Variants in CACNA1B observed in about 807,000 individuals in gnomAD.
CACNA1B encodes calcium voltage-gated channel subunit alpha1 B, also known as voltage-dependent N-type calcium channel subunit alpha-1B.
Under a neutral mutation model 247.2 loss-of-function variants are expected in CACNA1B, and 70 were observed. The observed-to-expected ratio is 0.28, with a 90% CI of 0.23 to 0.35. The LOEUF is 0.35. Ranked by LOEUF, CACNA1B falls within the 10% of genes least tolerant of loss-of-function variation. CACNA1B has a pLI of 1.00. For missense variants in CACNA1B, 2,367 were observed against 3,197.4 expected (o/e 0.74, Z 6.26); for synonymous variants, 1,231 against 1,294.4 (o/e 0.95, Z 1.05).
chr9:138,021,129 T>C (rs1242416019), intron 18 of CACNA1B, among the ~76,000 whole-genome samples: 1 of 152,196 alleles, frequency 6.6e-6, no homozygotes, highest in East Asian at 1.9e-4. Context: ...CACTCAGCAC[T>C]GTTGGCAGTA....
At chr9:138,068,389 G>A (rs1589108979) in intron 31 of CACNA1B, among the ~76,000 whole-genome samples, 1 of 152,216 alleles carries the variant, frequency 6.6e-6, no homozygotes, top group Non-Finnish European at 1.5e-5. Flanking sequence ...TATGCTTTAC[G>A]ATTTAAAAAA....
At chr9:138,009,099 A>G (rs1315205559) in intron 16 of CACNA1B, among the ~76,000 whole-genome samples, 1 of 152,236 alleles carries the variant, frequency 6.6e-6, no homozygotes, top group Non-Finnish European at 1.5e-5. Flanking sequence ...ATGGGTGAAG[A>G]GTTCCTTTTG....
intron 6 of CACNA1B, among the ~76,000 whole-genome samples, chr9:137,936,202 G>A (rs1289367310): frequency 6.6e-6 from 1 of 152,182 alleles, no homozygotes; most frequent in Non-Finnish European, 1.5e-5. Context: ...GTGTGAGATG[G>A]TATCTCATTG....
rs773803361 is a variant in CACNA1B at position 138,053,873 on chromosome 9, C to T, written c.3835C>T (p.Leu1279=). 6.2e-7 allele frequency: 1 copy of T among 1,613,432 alleles called. No homozygotes were observed. The highest frequency in any genetic ancestry group is 2.2e-5 in the East Asian group (1 of 44,870). ...TGTGTTTGACTGTGTGGTGAACTCCCTGAAGAATGTCCTCAACATCTTGAT... is the reference window on the plus strand; with the variant it reads ...TGTGTTTGACTGTGTGGTGAACTCCTTGAAGAATGTCCTCAACATCTTGAT... ...KAVFDCVVNS[L]KNVLNILIVY... is the part of the protein sequence containing the mutation. The change falls in exon 26 of 47, where the codon CTG becomes TTG. Residue 1279 remains leucine (L), a synonymous_variant. Coordinates refer to ENST00000371372, the MANE Select transcript of CACNA1B (RefSeq NM_000718.4).
intron 39 of CACNA1B, 124 bp downstream of exon 39, chr9:138,105,931 G>C (rs1216667463): frequency 1.6e-6 from 1 of 638,240 alleles, no homozygotes; most frequent in Non-Finnish European, 2.8e-6. Context: ...GGAGGGGTCT[G>C]AGGACAGCTG....
rs56090828 is a variant in CACNA1B, at chr9:138,095,434, T to C, written c.5095-1050T>C. On this transcript the variant is annotated intron_variant, in intron 36 of 46. Transcript: ENST00000371372. ...ACCTCTTTACATCCACCATGACAGCTATAACAATAATTTTTCTAAAAATTG... is the reference window on the plus strand; with the variant it reads ...ACCTCTTTACATCCACCATGACAGCCATAACAATAATTTTTCTAAAAATTG... Among the ~76,000 whole-genome samples, 1,480 of 152,288 alleles carry C rather than the reference T, an allele frequency of 9.7e-3. 27 individuals are homozygous for C. Among genetic ancestry groups the C allele is most frequent in the African/African-American group, 0.034 (1,424 of 41,560 alleles).
rs1957919290 is a variant in CACNA1B, at chr9:137,954,369, G to A, written c.1071-1329G>A. Among the ~76,000 whole-genome samples the A allele has an allele frequency of 6.6e-6, 1 of 152,218 alleles. No homozygotes were observed. On this transcript the variant is annotated intron_variant, in intron 7 of 46. Coordinates refer to ENST00000371372, the MANE Select transcript of CACNA1B (RefSeq NM_000718.4). The surrounding 1 kb of genome is among the most constrained non-coding windows in gnomAD (Gnocchi z 4.1). The stretch of plus-strand genomic sequence containing the variant: ...CATTCCCAGAGCTCCCATCCTCACA[G>A]CATCCCAGAGAAGCAGAAGAGGTGG...
chr9:137,880,604 G>T lies in CACNA1B; in HGVS notation c.390+1445G>T, dbSNP rs565095373. On this transcript the variant is annotated intron_variant, in intron 2 of 46. Transcript: ENST00000371372. This position sits in a 1 kb window ranked among gnomAD's most constrained non-coding sequence, Gnocchi z 4.8. ...GTTCCTGCCTCGCAGGTGTGGGAGGGTTTACTTTGTGGTCATAGGTTGGGG... is the reference window on the plus strand; with the variant it reads ...GTTCCTGCCTCGCAGGTGTGGGAGGTTTTACTTTGTGGTCATAGGTTGGGG... Among the ~76,000 whole-genome samples, 3 of 152,300 alleles carry T rather than the reference G, an allele frequency of 2.0e-5. No homozygotes were observed. The highest frequency in any genetic ancestry group is 4.8e-5 in the African/African-American group (2 of 41,566).
intron 36 of CACNA1B, among the ~76,000 whole-genome samples, chr9:138,084,513 G>A (rs1960629795): frequency 6.6e-6 from 1 of 151,306 alleles, no homozygotes; most frequent in Non-Finnish European, 1.5e-5. Context: ...GAAGTTGTAG[G>A]GAGACTATAC....
At chr9:137,884,964 C>T (rs925026526) in intron 3 of CACNA1B, among the ~76,000 whole-genome samples, 11 of 109,128 alleles carry the variant, frequency 1.0e-4, no homozygotes, top group Admixed American at 8.4e-4. Flanking sequence ...TCTTCCCCCC[C>T]CCCCTCCTCC....
At chr9:138,065,158 C>A (rs1004591051) in intron 31 of CACNA1B, among the ~76,000 whole-genome samples, 1 of 152,184 alleles carries the variant, frequency 6.6e-6, no homozygotes, top group Non-Finnish European at 1.5e-5. Flanking sequence ...GAGAAAGCTC[C>A]CCTACATTAA....
rs375449618 is a variant in CACNA1B at position 138,114,415 on chromosome 9, G to A, written c.5574G>A (p.Leu1858=). 1.2e-5 allele frequency: 19 copies of A among 1,593,808 alleles called. No individual in the cohort carries two copies. The highest frequency in any genetic ancestry group is 1.5e-5 in the Non-Finnish European group (18 of 1,168,526). ...CAGTGGGGAAGGTTTATGCAGCTCT[G>A]ATGATATTCGACTTCTACAAGCAGA... ...EMTVGKVYAA[L]MIFDFYKQNK... is the part of the protein sequence containing the mutation. The change falls in exon 41 of 47, where the codon CTG becomes CTA. Residue 1858 remains leucine (L), a synonymous_variant. Transcript: ENST00000371372.
chr9:138,067,141 A>T (rs768832894), intron 31 of CACNA1B, among the ~76,000 whole-genome samples: 5 of 152,212 alleles, frequency 3.3e-5, no homozygotes, highest in Admixed American at 3.3e-4. Flanking sequence ...TGAACACATT[A>T]CTAGAAAAAT....
intron 38 of CACNA1B, among the ~76,000 whole-genome samples, chr9:138,104,763 G>A (rs1402360997): frequency 6.6e-6 from 1 of 152,258 alleles, no homozygotes; most frequent in Non-Finnish European, 1.5e-5. Flanking sequence ...TAGCTGGACA[G>A]TGCTCCTGGG....
At position 138,094,096 on chromosome 9, in the gene CACNA1B, G is replaced by A. The variant is rs146475323; in HGVS notation, c.5095-2388G>A. ...ACTATAATTATTCAGCCTTAAAAAG[G>A]AAGAGCGTTCTGACACATTCTACAA... On this transcript the variant is annotated intron_variant, in intron 36 of 46. Coordinates refer to ENST00000371372, the MANE Select transcript of CACNA1B (RefSeq NM_000718.4). 7.2e-4 allele frequency among the ~76,000 whole-genome samples: 110 copies of A among 152,296 alleles called. 1 individual carries two copies. Among genetic ancestry groups the A allele is most frequent in the African/African-American group, 2.6e-3 (107 of 41,572 alleles).
chr9:138,034,151 C>A (rs1388489402), intron 20 of CACNA1B, among the ~76,000 whole-genome samples: 1 of 152,162 alleles, frequency 6.6e-6, no homozygotes, highest in Admixed American at 6.5e-5. Context: ...GGAGATAGAC[C>A]TTATCACCTC....
At chr9:137,916,106 C>T (rs1030629540) in intron 5 of CACNA1B, among the ~76,000 whole-genome samples, 5 of 149,178 alleles carry the variant, frequency 3.4e-5, no homozygotes, top group Admixed American at 1.3e-4. Flanking sequence ...AATCTCGGCT[C>T]GCTGCAACCT....
chr9:137,886,955 G>A (rs1957023897), intron 3 of CACNA1B, among the ~76,000 whole-genome samples: 1 of 151,350 alleles, frequency 6.6e-6, no homozygotes, highest in African/African-American at 2.4e-5. Flanking sequence ...GGCTGGAGGT[G>A]GTGATTCGAG....
rs183904505 is a variant in CACNA1B at position 137,998,538 on chromosome 9, C to T, written c.1975-8229C>T. 7.9e-3 allele frequency among the ~76,000 whole-genome samples: 1,196 copies of T among 152,272 alleles called. 13 individuals are homozygous for T. Among genetic ancestry groups the T allele is most frequent in the Admixed American group, 0.024 (374 of 15,304 alleles). On this transcript the variant is annotated intron_variant, in intron 15 of 46. Transcript: ENST00000371372. ...CAGAGGTTGCAGTGAGCTGAGATCA[C>T]GCCACTGCACTCCAGCCTGGGCGAC... is the stretch of plus-strand genomic sequence containing the variant.
Sources: gnomAD v4.1 joint callset for allele counts (sites outside exome capture counted in the v4.1 genomes callset) on GRCh38, gnomAD v4.1.1 for gene constraint, Gnocchi (gnomAD v3.1) non-coding constraint, MANE v1.5 for transcripts, NCBI Gene and HGNC (gene_info 2026-07-23, HGNC 2026-07-21) for gene names.